Variants in ITGB7 observed in about 807,000 individuals in gnomAD.
ITGB7 encodes the protein integrin subunit beta 7, also known as integrin beta-7.
In ITGB7, 55 loss-of-function variants were observed where a neutral mutation model predicts 83.4. The ratio of observed to expected loss-of-function variants is 0.66; its 90% confidence interval spans 0.53 to 0.83. The LOEUF is 0.83. ITGB7 is among the 40% of genes least tolerant of loss of function. The pLI, the probability that ITGB7 is intolerant of heterozygous loss-of-function variation, is 0.00. For synonymous variants in ITGB7, 454 were observed against 423.6 expected, an observed-to-expected ratio of 1.07 and a Z score of -0.88; for missense variants, 921 against 1,046.7, an observed-to-expected ratio of 0.88 and a Z score of 1.66.
rs1171783525 is a variant in ITGB7 at position 53,195,695 on chromosome 12, G to A, written c.1002C>T (p.Ala334=). ...GGATATTTGCTGCAGAGAGGGCCTG[G>A]GCTACCTGACCCACAGAAGGGTAGT... ...EFDYPSVGQV[A]QALSAANIQP... The change falls in exon 8 of 16, where the codon GCC becomes GCT. Residue 334 remains alanine, a synonymous_variant. Coordinates refer to ENST00000267082, the MANE Select transcript of ITGB7 (RefSeq NM_000889.3). 1 of 1,613,916 alleles carries A rather than the reference G, an allele frequency of 6.2e-7. No individual in the cohort carries two copies. Among genetic ancestry groups the A allele is most frequent in the Non-Finnish European group, 8.5e-7 (1 of 1,179,924 alleles).
chr12:53,196,917 G>A (rs1000596895), intron 5 of ITGB7, 97 bp from the exon 6 acceptor site: 3 of 1,424,066 alleles, frequency 2.1e-6, no homozygotes, highest in African/African-American at 1.4e-5. Context: ...GGGGAGGACG[G>A]TGATGGGAGA....
chr12:53,205,895 A>C (rs1244477837), intron 1 of ITGB7, among the ~76,000 whole-genome samples: 4 of 152,072 alleles, frequency 2.6e-5, no homozygotes, highest in Non-Finnish European at 1.5e-5. Context: ...CCCCTCGGGG[A>C]GAGGCCAGTC....
Position 53,197,551 on chromosome 12 carries a change from G to A in ITGB7, c.516C>T (p.Arg172=), listed in dbSNP as rs749125631. 7.4e-6 allele frequency: 12 copies of A among 1,614,096 alleles called. No homozygotes were observed. Among genetic ancestry groups the A allele is most frequent in the Non-Finnish European group, 1.0e-5 (12 of 1,180,030 alleles). Residue 172 remains arginine (R), a synonymous_variant, in exon 5 of 16, where the codon CGC becomes CGT. Coordinates refer to ENST00000267082, the MANE Select transcript of ITGB7 (RefSeq NM_000889.3). ...GGACCAGCAGAGCGTGCCCGAGCTG[G>A]CGCACGCGTTCCAGGTCGTCCTTCA... ...YSMKDDLERV[R]QLGHALLVRL...
chr12:53,193,731 T>G lies in ITGB7; in HGVS notation c.1479A>C (p.Gly493=). 5 of 1,613,358 alleles carry G rather than the reference T, an allele frequency of 3.1e-6. No individual in the cohort carries two copies. Among genetic ancestry groups the G allele is most frequent in the Non-Finnish European group, 4.2e-6 (5 of 1,179,626 alleles). Residue 493 remains glycine (G), a synonymous_variant, in exon 11 of 16, where the codon GGA becomes GGC. Transcript: ENST00000267082. ...ACCTGCATACACCACATTGTAGGTG[T>G]CCCTGGCCATCACTGCAGTGGGGAG... ...PQAPHCSDGQ[G]HLQCGVCSCA...
intron 1 of ITGB7, among the ~76,000 whole-genome samples, chr12:53,203,267 A>G (rs1405249636): frequency 1.3e-5 from 2 of 152,240 alleles, no homozygotes; most frequent in Non-Finnish European, 2.9e-5. Context: ...AGACTTAAAA[A>G]GACATTTCTT....
Position 53,194,186 on chromosome 12 carries a change from G to T in ITGB7, c.1308+12C>A. The T allele has an allele frequency of 1.9e-6, 3 of 1,613,842 alleles. No individual in the cohort carries two copies. Among genetic ancestry groups the T allele is most frequent in the Non-Finnish European group, 2.5e-6 (3 of 1,179,882 alleles). Reference sequence around the variant, plus strand: ...CCCTGCCCGCCTTCTGCCTGTGCTTGCTGGCTCTCACCGTCTGGTTGATTC... The same window carrying T: ...CCCTGCCCGCCTTCTGCCTGTGCTTTCTGGCTCTCACCGTCTGGTTGATTC... On this transcript the variant is annotated intron_variant, in intron 10 of 15. Coordinates refer to ENST00000267082, the MANE Select transcript of ITGB7 (RefSeq NM_000889.3).
At chr12:53,196,902 G>A (rs757917812) in intron 5 of ITGB7, 82 bp from the exon 6 acceptor site, 20 of 1,494,596 alleles carry the variant, frequency 1.3e-5, no homozygotes, top group African/African-American at 2.8e-5. Context: ...TATGGGAAGT[G>A]GGGTGGGGAG....
chr12:53,203,647 C>CAAAAAAAAAAAAAAA (rs1158624130), intron 1 of ITGB7, among the ~76,000 whole-genome samples: 2 of 51,056 alleles, frequency 3.9e-5, no homozygotes, highest in African/African-American at 1.1e-4. Flanking sequence ...GACCCTGTCT[C>CAAAAAAAAAAAAAAA]AAAAAAAAAA....
rs1942061064 is a variant in ITGB7, at chr12:53,193,850, G to A, written c.1360C>T (p.Leu454Phe). 1.9e-6 allele frequency: 3 copies of A among 1,614,042 alleles called. No homozygotes were observed. The highest frequency in any genetic ancestry group is 1.7e-6 in the Non-Finnish European group (2 of 1,179,972). Reference sequence around the variant, plus strand: ...AAGCCAAGGGCCCGGAGCCTCAGGAGATGGGGCTCTGGGAGGCAGTGGGTG... The same window carrying A: ...AAGCCAAGGGCCCGGAGCCTCAGGAAATGGGGCTCTGGGAGGCAGTGGGTG... ...QATHCLPEPH[L>F]LRLRALGFSE... The change falls in exon 11 of 16, where the codon CTC (leucine) becomes TTC (phenylalanine). Residue 454 changes from leucine (L) to phenylalanine (F), a missense_variant. By Grantham distance (22) the Leu-to-Phe change is conservative. Coordinates refer to ENST00000267082, the MANE Select transcript of ITGB7 (RefSeq NM_000889.3).
At chr12:53,195,109 C>T (rs1437194150) in intron 9 of ITGB7, 4 of 500,142 alleles carry the variant, frequency 8.0e-6, no homozygotes, top group Non-Finnish European at 1.4e-5. Context: ...GGATGGTGGG[C>T]GCATGAAATA....
rs2120381619 is a variant in ITGB7, at chr12:53,191,652, G to A, written c.2317-16C>T. The A allele has an allele frequency of 1.9e-6, 3 of 1,608,398 alleles. No individual in the cohort carries two copies. The highest frequency in any genetic ancestry group is 1.7e-4 in the Middle Eastern group (1 of 6,050). On this transcript the variant is annotated splice_polypyrimidine_tract_variant and intron_variant, in intron 15 of 15. Transcript: ENST00000267082. ...GATTACTGTCCTGGAGAAAGATGTT[G>A]CAGATTATAAGCAAAAATCCCAGGA...
intron 12 of ITGB7, 87 bp from the exon 13 acceptor site, chr12:53,192,997 CT>C: frequency 1.4e-6 from 2 of 1,433,880 alleles, no homozygotes; most frequent in East Asian, 4.8e-5. Context: ...CGCATCCAAT[CT>C]TTTTGAAGTA....
chr12:53,203,575 G>T (rs1942365251), intron 1 of ITGB7, among the ~76,000 whole-genome samples: 1 of 147,366 alleles, frequency 6.8e-6, no homozygotes, highest in Admixed American at 7.0e-5. Flanking sequence ...TTGAACCCGG[G>T]AGGCAGAGGC....
intron 10 of ITGB7, 119 bp from the exon 11 acceptor site, chr12:53,194,020 C>CTAG: frequency 7.7e-7 from 1 of 1,303,332 alleles, no homozygotes; most frequent in South Asian, 1.4e-5. Flanking sequence ...ATGTTAACAC[C>CTAG]CAACTCCTAG....
chr12:53,206,236 C>A lies in ITGB7; in HGVS notation c.-127+966G>T, dbSNP rs111251994. 4.8e-3 allele frequency among the ~76,000 whole-genome samples: 730 copies of A among 152,296 alleles called. 6 individuals carry two copies. Among genetic ancestry groups the A allele is most frequent in the African/African-American group, 0.017 (711 of 41,560 alleles). ...TCAAAACTTCTATTGCATCTCTCTG[C>A]TGCTTTTCTCTGCTCCACTTCTTCA... On this transcript the variant is annotated intron_variant, in intron 1 of 15. Coordinates refer to ENST00000267082, the MANE Select transcript of ITGB7 (RefSeq NM_000889.3).
chr12:53,192,704 A>T lies in ITGB7; in HGVS notation c.1933T>A (p.Cys645Ser), dbSNP rs778272692. The change falls in exon 13 of 16, where the codon TGC (cysteine) becomes AGC (serine). Residue 645 changes from cysteine to serine, a missense_variant. Transcript: ENST00000267082. ...CDQCPGCKTP[C>S]ERHRDCAECG... ...CTGAGGCCTCACCGGTGTCTCTCGC[A>T]TGGTGTCTTGCAGCCTGGGCATTGG... 1 of 1,613,938 alleles carries T rather than the reference A, an allele frequency of 6.2e-7. No individual in the cohort carries two copies. Among genetic ancestry groups the T allele is most frequent in the Non-Finnish European group, 8.5e-7 (1 of 1,179,918 alleles).
chr12:53,195,930 G>T, intron 7 of ITGB7, 111 bp downstream of exon 7: 2 of 1,257,040 alleles, frequency 1.6e-6, no homozygotes, highest in Non-Finnish European at 2.3e-6. Flanking sequence ...GAAGATGGCA[G>T]GGTGTCTACA....
intron 10 of ITGB7, 23 bp downstream of exon 10, chr12:53,194,175 T>C: frequency 1.9e-6 from 3 of 1,613,814 alleles, no homozygotes; most frequent in Non-Finnish European, 2.5e-6. Context: ...GCCCGCCTTC[T>C]GCCTGTGCTT....
chr12:53,193,349 C>T lies in ITGB7; in HGVS notation c.1517G>A (p.Arg506His), dbSNP rs765293487. The change falls in exon 12 of 16, where the codon CGC becomes CAC. Residue 506 changes from arginine to histidine, a missense_variant. Arg to His is a conservative substitution (Grantham distance 29). Coordinates refer to ENST00000267082, the MANE Select transcript of ITGB7 (RefSeq NM_000889.3). ...AGAGCACTCACAGAGCCGACCTAGG[C>T]GGCCAGGGGCACAGCTGGAAGGGGA... ...QCGVCSCAPG[R>H]LGRLCECSVA... The T allele has an allele frequency of 1.6e-5, 26 of 1,584,782 alleles. 1 individual carries two copies. Among genetic ancestry groups the T allele is most frequent in the South Asian group, 1.0e-4 (9 of 88,466 alleles).
Sources: gnomAD v4.1 joint callset for allele counts (sites outside exome capture counted in the v4.1 genomes callset) on GRCh38, gnomAD v4.1.1 for gene constraint, MANE v1.5 for transcripts, NCBI Gene and HGNC (gene_info 2026-07-23, HGNC 2026-07-21) for gene names.